The following CNTN1 variants were observed in gnomAD, a reference collection of about 807,000 sequenced individuals.
CNTN1 encodes the protein contactin-1.
A neutral mutation model predicts 126.4 loss-of-function variants in CNTN1; 38 were observed. The observed-to-expected ratio is 0.30, with a 90% CI of 0.23 to 0.39. The LOEUF (loss-of-function observed/expected upper bound fraction) is 0.39, where lower values mean the gene tolerates loss of function less well. Ranked by LOEUF, CNTN1 falls within the 10% of genes least tolerant of loss-of-function variation. The pLI is 1.00. For synonymous variants in CNTN1, 413 were observed against 422.6 expected, an observed-to-expected ratio of 0.98 and a Z score of 0.28; for missense variants, 1,009 against 1,248.4, an observed-to-expected ratio of 0.81 and a Z score of 2.89.
intron 1 of CNTN1, among the ~76,000 whole-genome samples, chr12:40,764,313 G>C (rs1938990518): frequency 6.6e-6 from 1 of 152,200 alleles, no homozygotes; most frequent in African/African-American, 2.4e-5. Context: ...AGGGGAAAGA[G>C]ATTAGCCTCA....
chr12:40,909,324 C>T (rs1317282179), intron 2 of CNTN1, among the ~76,000 whole-genome samples: 1 of 151,784 alleles, frequency 6.6e-6, no homozygotes, highest in Non-Finnish European at 1.5e-5. Context: ...ATATAATTAC[C>T]CAACTAGTAC....
intron 1 of CNTN1, among the ~76,000 whole-genome samples, chr12:40,902,995 C>T (rs1944663574): frequency 1.3e-5 from 2 of 152,226 alleles, no homozygotes; most frequent in Non-Finnish European, 1.5e-5. Context: ...GAAGATGTGT[C>T]ATACTGCCTT....
rs112096271 is a variant in CNTN1, at chr12:41,006,801, G to T, written c.2114-7427G>T. Among the ~76,000 whole-genome samples, 794 of 152,308 alleles carry T rather than the reference G, an allele frequency of 5.2e-3. 6 individuals are homozygous for T. Among genetic ancestry groups the T allele is most frequent in the African/African-American group, 0.018 (753 of 41,566 alleles). ...TCAGACTGAGTCAAAGCATTTGCAT[G>T]GGAAAAGGTATGTCCTCTATAGAAA... On this transcript the variant is annotated intron_variant, in intron 17 of 23. Coordinates refer to ENST00000551295, the MANE Select transcript of CNTN1 (RefSeq NM_001843.4).
At chr12:40,921,133 TCA>T (rs1945428167) in intron 4 of CNTN1, among the ~76,000 whole-genome samples, 1 of 152,194 alleles carries the variant, frequency 6.6e-6, no homozygotes, top group African/African-American at 2.4e-5. Flanking sequence ...AAATGCAAAA[TCA>T]CAGTTTTCTA....
chr12:40,795,811 T>A (rs934358775), intron 1 of CNTN1, among the ~76,000 whole-genome samples: 7 of 152,164 alleles, frequency 4.6e-5, no homozygotes, highest in South Asian at 2.1e-4. Context: ...ATTTCTGTAA[T>A]CGTTGCTAAC....
chr12:40,980,830 G>A (rs1019060236), intron 15 of CNTN1, 79 bp from the exon 16 acceptor site: 2 of 1,320,320 alleles, frequency 1.5e-6, no homozygotes, highest in Non-Finnish European at 2.2e-6. Flanking sequence ...TTAATGGTTA[G>A]AAGACATTTT....
intron 23 of CNTN1, among the ~76,000 whole-genome samples, chr12:41,035,706 A>G (rs1949243862): frequency 6.6e-6 from 1 of 152,154 alleles, no homozygotes; most frequent in African/African-American, 2.4e-5. Flanking sequence ...GCTGAAATCT[A>G]AAGGACAGGA....
chr12:40,817,697 A>G (rs1336385800), intron 1 of CNTN1, among the ~76,000 whole-genome samples: 2 of 151,632 alleles, frequency 1.3e-5, no homozygotes, highest in African/African-American at 4.8e-5. Context: ...TGCGAGTTTG[A>G]TCCTATCATC....
chr12:41,015,220 G>A (rs772483832), intron 18 of CNTN1, among the ~76,000 whole-genome samples: 46 of 151,880 alleles, frequency 3.0e-4, no homozygotes, highest in Non-Finnish European at 5.1e-4. Context: ...AATCTGAATC[G>A]TAAAATATTT....
intron 1 of CNTN1, among the ~76,000 whole-genome samples, chr12:40,718,706 T>C (rs769664811): frequency 1.3e-5 from 2 of 152,122 alleles, no homozygotes; most frequent in Non-Finnish European, 2.9e-5. Flanking sequence ...CTATCCCCTA[T>C]TTAAAGATGA....
chr12:40,940,348 C>T (rs1238947716), intron 12 of CNTN1, among the ~76,000 whole-genome samples: 2 of 151,982 alleles, frequency 1.3e-5, no homozygotes, highest in African/African-American at 4.8e-5. Flanking sequence ...CATAGTAAGC[C>T]ACATCATAAA....
intron 14 of CNTN1, among the ~76,000 whole-genome samples, chr12:40,957,087 T>C (rs1400551284): frequency 1.3e-5 from 2 of 151,884 alleles, no homozygotes; most frequent in African/African-American, 4.8e-5. Flanking sequence ...GAAAGCCAAA[T>C]GCTATCAAGA....
rs115786333 is a variant in CNTN1 at position 41,017,293 on chromosome 12, C to T, written c.2419+377C>T. On this transcript the variant is annotated intron_variant, in intron 19 of 23. Coordinates refer to ENST00000551295, the MANE Select transcript of CNTN1 (RefSeq NM_001843.4). ...TAATTTAAAACTTCTATAATATGGC[C>T]GGGCGTGGTGGCGCATGCCTGTAAT... Among the ~76,000 whole-genome samples, 1,149 of 149,298 alleles carry T rather than the reference C, an allele frequency of 7.7e-3. 11 individuals carry two copies. Among genetic ancestry groups the T allele is most frequent in the African/African-American group, 0.027 (1,098 of 40,272 alleles).
intron 1 of CNTN1, among the ~76,000 whole-genome samples, chr12:40,903,388 C>CA (rs1944679706): frequency 1.5e-5 from 2 of 130,840 alleles, no homozygotes; most frequent in South Asian, 5.1e-4. Context: ...GTCAGAGTTG[C>CA]TTTTTTTTTT....
chr12:40,719,841 G>GT lies in CNTN1; in HGVS notation c.-77+27258dup, dbSNP rs1035317159. On this transcript the variant is annotated intron_variant, in intron 1 of 23. Transcript: ENST00000551295. ...TCGACATTCATCAATGTGGCTTTCTGTTTTTTTTTCTTTTGAGACGGAGTC... is the reference window on the plus strand; with the variant it reads ...TCGACATTCATCAATGTGGCTTTCTGTTTTTTTTTTCTTTTGAGACGGAGTC... Among the ~76,000 whole-genome samples, 250 of 150,480 alleles carry GT rather than the reference G, an allele frequency of 1.7e-3. 1 individual carries two copies. Among genetic ancestry groups the GT allele is most frequent in the African/African-American group, 4.5e-3 (185 of 41,078 alleles).
intron 1 of CNTN1, among the ~76,000 whole-genome samples, chr12:40,693,824 GAGA>G (rs1302903051): frequency 6.6e-6 from 1 of 152,166 alleles, no homozygotes; most frequent in Non-Finnish European, 1.5e-5. Flanking sequence ...GGAAAAGCCG[GAGA>G]AGAAGCATTC....
At position 41,018,315 on chromosome 12, in the gene CNTN1, G is replaced by C. The variant is rs1394678025; in HGVS notation, c.2419+1399G>C. 3.9e-5 allele frequency among the ~76,000 whole-genome samples: 6 copies of C among 151,962 alleles called. No individual in the cohort carries two copies. In the East Asian group the frequency reaches 1.2e-3, roughly 29 times the overall value. ...ACTCTTCTATCATTAGAGGAAATGG[G>C]CTCTATTGGTTCACCCAACTTCCAT... On this transcript the variant is annotated intron_variant, in intron 19 of 23. Coordinates refer to ENST00000551295, the MANE Select transcript of CNTN1 (RefSeq NM_001843.4).
intron 1 of CNTN1, 37 bp from the exon 2 acceptor site, chr12:40,908,320 A>T: frequency 1.4e-6 from 1 of 737,704 alleles, no homozygotes; most frequent in Non-Finnish European, 2.3e-6. Context: ...CCTTCCTTCT[A>T]ATTCTTTCCT....
At chr12:40,993,908 C>G (rs1490986876) in intron 17 of CNTN1, among the ~76,000 whole-genome samples, 1 of 152,024 alleles carries the variant, frequency 6.6e-6, no homozygotes, top group Non-Finnish European at 1.5e-5. Context: ...TATTCAGAGT[C>G]CAGAGTGTTC....
Sources: gnomAD v4.1 joint callset for allele counts (sites outside exome capture counted in the v4.1 genomes callset) on GRCh38, gnomAD v4.1.1 for gene constraint, MANE v1.5 for transcripts, NCBI Gene and HGNC (gene_info 2026-07-23, HGNC 2026-07-21) for gene names.